Variants in CACNB2 observed in about 807,000 individuals in gnomAD.
CACNB2 encodes the protein calcium voltage-gated channel auxiliary subunit beta 2, also known as voltage-dependent L-type calcium channel subunit beta-2.
A neutral mutation model predicts 73.3 loss-of-function variants in CACNB2; 42 were observed. The observed-to-expected ratio is 0.57, with a 90% CI of 0.45 to 0.74. The LOEUF (loss-of-function observed/expected upper bound fraction) is 0.74. Ranked by LOEUF, CACNB2 falls within the 30% of genes least tolerant of loss-of-function variation. The pLI is 0.00. For synonymous variants in CACNB2, 348 were observed against 310.3 expected (o/e 1.12, Z -1.28); for missense variants, 940 against 853.0 (o/e 1.10, Z -1.27).
intron 2 of CACNB2, among the ~76,000 whole-genome samples, chr10:18,371,450 A>G (rs1564477906): frequency 6.6e-6 from 1 of 152,026 alleles, no homozygotes; most frequent in Admixed American, 6.6e-5. Flanking sequence ...GAGTGAGAAC[A>G]TGTGGTGTTT....
At chr10:18,380,475 G>A (rs921113183) in intron 2 of CACNB2, among the ~76,000 whole-genome samples, 7 of 109,690 alleles carry the variant, frequency 6.4e-5, no homozygotes, top group Admixed American at 5.4e-4. Flanking sequence ...TTTTTTTTGA[G>A]ATGGAGTCTC....
intron 2 of CACNB2, among the ~76,000 whole-genome samples, chr10:18,180,057 C>T (rs2033795759): frequency 6.6e-6 from 1 of 152,114 alleles, no homozygotes; most frequent in Admixed American, 6.5e-5. Context: ...TATAGTTTCT[C>T]TTCTTGGCTT....
At chr10:18,332,433 A>G (rs1319476572) in intron 2 of CACNB2, among the ~76,000 whole-genome samples, 2 of 152,222 alleles carry the variant, frequency 1.3e-5, no homozygotes, top group African/African-American at 4.8e-5. Context: ...CAAGAAGTCT[A>G]TTGGATATCC....
chr10:18,381,688 CA>C (rs200757952), intron 2 of CACNB2, among the ~76,000 whole-genome samples: 15,329 of 78,492 alleles, frequency 0.2, 619 homozygotes, highest in East Asian at 0.34. Context: ...GACTCCGTCT[CA>C]AAAAAAAAAA....
chr10:18,287,377 A>C (rs1445329310), intron 2 of CACNB2, among the ~76,000 whole-genome samples: 1 of 152,134 alleles, frequency 6.6e-6, no homozygotes, highest in Non-Finnish European at 1.5e-5. Context: ...TTTCCCTTTA[A>C]CATTTTACAG....
intron 2 of CACNB2, among the ~76,000 whole-genome samples, chr10:18,266,086 T>G (rs2037785770): frequency 6.6e-6 from 1 of 152,232 alleles, no homozygotes; most frequent in Non-Finnish European, 1.5e-5. Flanking sequence ...AATTCGGTAC[T>G]CTAGTTAAAT....
chr10:18,450,049 A>G (rs11014280), intron 3 of CACNB2, among the ~76,000 whole-genome samples: 1 of 152,348 alleles, frequency 6.6e-6, no homozygotes, highest in East Asian at 1.9e-4. Flanking sequence ...TCTTCAGTGG[A>G]AAAGTTCTGC....
At chr10:18,269,438 T>G (rs547112814) in intron 2 of CACNB2, among the ~76,000 whole-genome samples, 4 of 152,236 alleles carry the variant, frequency 2.6e-5, no homozygotes, top group Non-Finnish European at 5.9e-5. Flanking sequence ...GCCATATTGC[T>G]ATTCCTTCAG....
intron 2 of CACNB2, among the ~76,000 whole-genome samples, chr10:18,177,465 CAAAA>C (rs35967003): frequency 1.5e-5 from 2 of 130,366 alleles, no homozygotes; most frequent in Non-Finnish European, 3.3e-5. Flanking sequence ...ATTAAAAATG[CAAAA>C]AAAAAAAAAA....
intron 2 of CACNB2, among the ~76,000 whole-genome samples, chr10:18,192,291 T>TCATTC (rs1363933921): frequency 6.5e-5 from 3 of 45,828 alleles, no homozygotes; most frequent in African/African-American, 1.7e-4. Context: ...TTCATTCATG[T>TCATTC]ATTATAATTC....
At chr10:18,197,107 C>T (rs1282823987) in intron 2 of CACNB2, among the ~76,000 whole-genome samples, 2 of 152,112 alleles carry the variant, frequency 1.3e-5, no homozygotes, top group South Asian at 4.2e-4. Context: ...GCAGTGCTTC[C>T]CTATAATGAT....
intron 3 of CACNB2, among the ~76,000 whole-genome samples, chr10:18,484,614 C>T (rs754766987): frequency 2.0e-5 from 3 of 152,108 alleles, no homozygotes; most frequent in Non-Finnish European, 4.4e-5. Flanking sequence ...CCAAACTTTT[C>T]AATCGCTGTA....
chr10:18,329,800 C>G (rs1260069345), intron 2 of CACNB2, among the ~76,000 whole-genome samples: 2 of 151,982 alleles, frequency 1.3e-5, no homozygotes, highest in East Asian at 3.9e-4. Context: ...TTATTTTATG[C>G]TATTATATTT....
intron 2 of CACNB2, among the ~76,000 whole-genome samples, chr10:18,344,814 G>T (rs1180263818): frequency 2.6e-5 from 4 of 152,124 alleles, no homozygotes; most frequent in Non-Finnish European, 4.4e-5. Flanking sequence ...AATATTAAAG[G>T]AATGTGGGTG....
rs1454716321 is a variant in CACNB2, at chr10:18,459,237, T to A, written c.334-39118T>A. Among the ~76,000 whole-genome samples the A allele has an allele frequency of 2.0e-5, 3 of 152,194 alleles. No homozygotes were observed. In the East Asian group the frequency reaches 5.8e-4, roughly 29 times the overall value. On this transcript the variant is annotated intron_variant, in intron 3 of 13. Coordinates refer to ENST00000324631, the MANE Select transcript of CACNB2 (RefSeq NM_201596.3). ...AGCTATAGCCAAGAACATTAAAATC[T>A]CATGTCCTAATGACACTAGAAACAT...
intron 3 of CACNB2, among the ~76,000 whole-genome samples, chr10:18,428,997 A>G (rs1335973606): frequency 2.0e-5 from 3 of 152,250 alleles, no homozygotes; most frequent in Non-Finnish European, 2.9e-5. Flanking sequence ...TTATTCACTT[A>G]ATTACTACTG....
chr10:18,159,581 A>T (rs1032312312), intron 2 of CACNB2, among the ~76,000 whole-genome samples: 2 of 152,236 alleles, frequency 1.3e-5, no homozygotes, highest in African/African-American at 4.8e-5. Flanking sequence ...ATGGTATTCT[A>T]AACAAATTCC....
intron 2 of CACNB2, among the ~76,000 whole-genome samples, chr10:18,353,466 A>G (rs1322618679): frequency 6.6e-6 from 1 of 152,182 alleles, no homozygotes; most frequent in African/African-American, 2.4e-5. Context: ...GGACTTGGAA[A>G]AGTCTTAGTT....
chr10:18,261,150 T>C (rs2037518242), intron 2 of CACNB2: 4 of 1,539,622 alleles, frequency 2.6e-6, no homozygotes, highest in Non-Finnish European at 2.6e-6. Context: ...CTAAGTGATT[T>C]GCTCATGCCT....
Sources: gnomAD v4.1 joint callset for allele counts (sites outside exome capture counted in the v4.1 genomes callset) on GRCh38, gnomAD v4.1.1 for gene constraint, MANE v1.5 for transcripts, NCBI Gene and HGNC (gene_info 2026-07-23, HGNC 2026-07-21) for gene names.